The following DOCK3 variants were observed in gnomAD, a reference collection of about 807,000 sequenced individuals.
The protein encoded by DOCK3 is dedicator of cytokinesis 3, also known as dedicator of cytokinesis protein 3.
In DOCK3, 60 loss-of-function variants were observed where a neutral mutation model predicts 265.6. The ratio of observed to expected loss-of-function variants is 0.23; its 90% CI spans 0.18 to 0.28. The LOEUF (loss-of-function observed/expected upper bound fraction) is 0.28. Ranked by LOEUF, DOCK3 falls within the 10% of genes least tolerant of loss-of-function variation. The pLI is 1.00. For missense variants in DOCK3, 1,981 were observed against 2,594.3 expected, an observed-to-expected ratio of 0.76 and a Z score of 5.14; for synonymous variants, 881 against 938.0, an observed-to-expected ratio of 0.94 and a Z score of 1.11.
At chr3:51,286,471 T>A (rs546707052) in intron 27 of DOCK3, among the ~76,000 whole-genome samples, 21 of 152,270 alleles carry the variant, frequency 1.4e-4, no homozygotes, top group East Asian at 5.8e-4. Flanking sequence ...AAAACTTTTT[T>A]AAATTGATAT....
chr3:51,300,199 T>C (rs575474432), intron 27 of DOCK3, among the ~76,000 whole-genome samples: 1 of 152,188 alleles, frequency 6.6e-6, no homozygotes, highest in Non-Finnish European at 1.5e-5. Flanking sequence ...TCATTCATGA[T>C]TTGGCTCTCT....
At chr3:51,154,767 C>T (rs6445393) in intron 10 of DOCK3, among the ~76,000 whole-genome samples, 138,801 of 152,226 alleles carry the variant, frequency 0.91, 63,428 homozygotes, top group African/African-American at 0.95. Flanking sequence ...ATTAGGGTGG[C>T]ATTTGAATGT....
rs143811338 is a variant in DOCK3, at chr3:50,880,639, C to T, written c.163-9387C>T. 4.5e-5 allele frequency: 7 copies of T among 154,336 alleles called. No homozygotes were observed. The South Asian group carries it at 1.1e-3, about 25-fold the overall frequency. The allele number at this position is 154,336 out of a possible 1,614,324, so 9.6% of individuals were successfully genotyped here. ...CTGAAATTGAGGCAATAATTAATAG[C>T]CTACCAACCAAAAAAAGTCCAGGAC... is the stretch of plus-strand genomic sequence containing the variant. On this transcript the variant is annotated intron_variant, in intron 3 of 52. Transcript: ENST00000266037.
chr3:51,065,738 G>T (rs1384297964), intron 6 of DOCK3, among the ~76,000 whole-genome samples: 1 of 152,158 alleles, frequency 6.6e-6, no homozygotes, highest in East Asian at 1.9e-4. Context: ...ATAATGAGCA[G>T]ATTGCTCCCG....
At chr3:50,784,518 G>A (rs2042086960) in intron 2 of DOCK3, among the ~76,000 whole-genome samples, 1 of 152,064 alleles carries the variant, frequency 6.6e-6, no homozygotes, top group African/African-American at 2.4e-5. Context: ...CATATGAATT[G>A]TAGATTTGTT....
At chr3:51,061,470 C>A (rs967325636) in intron 5 of DOCK3, among the ~76,000 whole-genome samples, 2 of 151,938 alleles carry the variant, frequency 1.3e-5, no homozygotes, top group South Asian at 2.1e-4. Context: ...GGACAAAAAA[C>A]CAAACACCGC....
At chr3:51,301,979 A>G (rs1313705262) in intron 27 of DOCK3, among the ~76,000 whole-genome samples, 2 of 152,134 alleles carry the variant, frequency 1.3e-5, no homozygotes, top group Admixed American at 1.3e-4. Flanking sequence ...TCCTGTGAAT[A>G]TCCTTATTAA....
intron 10 of DOCK3, among the ~76,000 whole-genome samples, chr3:51,152,673 GGTTTTGGT>G (rs1353990179): frequency 6.6e-6 from 1 of 152,146 alleles, no homozygotes; most frequent in African/African-American, 2.4e-5. Flanking sequence ...CTACAGATGG[GGTTTTGGT>G]GTTGATGTCC....
intron 9 of DOCK3, among the ~76,000 whole-genome samples, chr3:51,146,226 C>T (rs1192479013): frequency 6.6e-6 from 1 of 152,180 alleles, no homozygotes; most frequent in Non-Finnish European, 1.5e-5. Flanking sequence ...TCGCATCATG[C>T]TGTTGTTTTG....
At chr3:51,030,022 A>T (rs1485309265) in intron 5 of DOCK3, among the ~76,000 whole-genome samples, 1 of 152,082 alleles carries the variant, frequency 6.6e-6, no homozygotes, top group East Asian at 1.9e-4. Flanking sequence ...TAAGCAGATT[A>T]TCAGAGGGGG....
intron 12 of DOCK3, among the ~76,000 whole-genome samples, chr3:51,199,231 G>A (rs368882758): frequency 2.0e-5 from 3 of 152,224 alleles, no homozygotes; most frequent in African/African-American, 7.2e-5. Flanking sequence ...AAAGCAGGGC[G>A]AGGCATTGCA....
chr3:50,780,064 A>G (rs1489788178), intron 2 of DOCK3, among the ~76,000 whole-genome samples: 1 of 152,178 alleles, frequency 6.6e-6, no homozygotes, highest in East Asian at 1.9e-4. Flanking sequence ...TCCAGGAATC[A>G]TATATATTTA....
chr3:50,868,913 T>TG (rs2047280793), intron 3 of DOCK3, among the ~76,000 whole-genome samples: 1 of 148,184 alleles, frequency 6.7e-6, no homozygotes, highest in Non-Finnish European at 1.5e-5. Context: ...TTTTTTTTTT[T>TG]TTTTTTTTTT....
At chr3:50,860,046 G>A (rs1227553563) in intron 3 of DOCK3, among the ~76,000 whole-genome samples, 2 of 152,198 alleles carry the variant, frequency 1.3e-5, no homozygotes, top group Non-Finnish European at 2.9e-5. Flanking sequence ...GACTCTTGGG[G>A]ACCCCAACCC....
intron 4 of DOCK3, among the ~76,000 whole-genome samples, chr3:50,898,956 G>A (rs1273495935): frequency 2.0e-5 from 3 of 152,192 alleles, no homozygotes; most frequent in Non-Finnish European, 4.4e-5. Context: ...ATATTCTGTT[G>A]ATTTGGGATG....
intron 1 of DOCK3, among the ~76,000 whole-genome samples, chr3:50,760,439 A>G (rs2675772): frequency 0.094 from 14,336 of 152,234 alleles, 824 homozygotes; most frequent in Non-Finnish European, 0.12. Context: ...AGTAGAAATC[A>G]TACCTTGAGT....
chr3:50,819,822 C>A (rs1427642260), intron 2 of DOCK3, among the ~76,000 whole-genome samples: 3 of 152,090 alleles, frequency 2.0e-5, no homozygotes, highest in Non-Finnish European at 4.4e-5. Context: ...CTTAGCCAGG[C>A]GTGGTGGTGC....
intron 6 of DOCK3, among the ~76,000 whole-genome samples, chr3:51,071,378 C>T (rs539375384): frequency 6.6e-6 from 1 of 152,192 alleles, no homozygotes; most frequent in African/African-American, 2.4e-5. Context: ...ATTGGTAGGA[C>T]CATTTGTGAA....
chr3:51,377,080 AG>A (rs1205266315), intron 51 of DOCK3, among the ~76,000 whole-genome samples: 2 of 152,258 alleles, frequency 1.3e-5, no homozygotes, highest in African/African-American at 4.8e-5. Context: ...GAGCTCAAAC[AG>A]GTGCTGGTGG....
Sources: gnomAD v4.1 joint callset for allele counts (sites outside exome capture counted in the v4.1 genomes callset) on GRCh38, gnomAD v4.1.1 for gene constraint, MANE v1.5 for transcripts, NCBI Gene and HGNC (gene_info 2026-07-23, HGNC 2026-07-21) for gene names.